Variants in SPATA6L observed in about 807,000 individuals in gnomAD.
SPATA6L encodes the protein spermatogenesis associated 6-like protein.
A neutral mutation model predicts 49.2 loss-of-function variants in SPATA6L; 68 were observed. The ratio of observed to expected loss-of-function variants is 1.38; its 90% CI spans 1.14 to 1.69. The LOEUF (loss-of-function observed/expected upper bound fraction) is 1.69. Among genes scored for constraint, SPATA6L ranks in the 40% most tolerant of loss-of-function variants. SPATA6L has a pLI of 0.00. For missense variants in SPATA6L, 668 were observed against 464.3 expected, an observed-to-expected ratio of 1.44 and a Z score of -4.03; for synonymous variants, 198 against 165.7, an observed-to-expected ratio of 1.19 and a Z score of -1.50.
At chr9:4,611,663 G>C (rs1190422599) in intron 9 of SPATA6L, among the ~76,000 whole-genome samples, 14 of 114,818 alleles carry the variant, frequency 1.2e-4, no homozygotes, top group African/African-American at 3.6e-4. Flanking sequence ...TGGGGGGAGG[G>C]GGGAGGGATA....
chr9:4,626,994 T>G (rs200970344), intron 5 of SPATA6L: 2 of 150,934 alleles, frequency 1.3e-5, no homozygotes, highest in African/African-American at 4.9e-5. Flanking sequence ...CAGTTTTTTT[T>G]AAGTTTTGGG....
chr9:4,597,844 T>G (rs1340327732), downstream of SPATA6L, among the ~76,000 whole-genome samples: 1 of 152,166 alleles, frequency 6.6e-6, no homozygotes, highest in Non-Finnish European at 1.5e-5. Context: ...GGTCACAGCA[T>G]GGACTACAGA....
rs749129538 is a variant in SPATA6L, at chr9:4,605,405, A to T, written c.1031T>A (p.Ile344Asn). Residue 344 changes from isoleucine (I) to asparagine (N), a missense_variant, in exon 10 of 12, where the codon ATC becomes AAC. By Grantham distance (149) the Ile-to-Asn change is moderately radical. Coordinates refer to ENST00000682582, the MANE Select transcript of SPATA6L (RefSeq NM_001353486.2). ...HPGSQSTWKN[I>N]HERVCSLLTS... ...CAGAAGACTGCATACCCTCTCATGG[A>T]TATTCTTCCATGTGGACTGAGAACC... 8 of 1,614,044 alleles carry T rather than the reference A, an allele frequency of 5.0e-6. No homozygotes were observed. In the African/African-American group the frequency reaches 5.3e-5, roughly 11 times the overall value.
rs377470691 is a variant in SPATA6L, at chr9:4,661,978, A to G, written c.98T>C (p.Leu33Pro). ...GKQDVYLGVY[L>P]MNQYLETNSF... ...GTTGGTCTCCAGGTACTGATTCATG[A>G]GGTAGACCCCGAGGTACACATCTTG... Residue 33 changes from leucine (L) to proline (P), a missense_variant, in exon 2 of 12, where the codon CTC becomes CCC. By Grantham distance (98) the Leu-to-Pro change is moderately conservative (BLOSUM62 -3). Coordinates refer to ENST00000682582, the MANE Select transcript of SPATA6L (RefSeq NM_001353486.2). 115 of 1,614,116 alleles carry G rather than the reference A, an allele frequency of 7.1e-5. No homozygotes were observed. The highest frequency in any genetic ancestry group is 2.4e-4 in the South Asian group (22 of 91,078).
At chr9:4,616,407 C>T (rs2130332145) in intron 9 of SPATA6L, among the ~76,000 whole-genome samples, 1 of 152,322 alleles carries the variant, frequency 6.6e-6, no homozygotes, top group African/African-American at 2.4e-5. Context: ...TCTTTCCGTT[C>T]TTCATTTAAA....
At chr9:4,646,471 T>G in intron 3 of SPATA6L, 1 of 1,506,068 alleles carries the variant, frequency 6.6e-7, no homozygotes, top group Non-Finnish European at 8.9e-7. Context: ...TAGAAACGGA[T>G]TTACTGCCAC....
intron 3 of SPATA6L, among the ~76,000 whole-genome samples, chr9:4,644,860 A>C (rs186483075): frequency 6.6e-5 from 10 of 152,186 alleles, no homozygotes; most frequent in Non-Finnish European, 1.2e-4. Context: ...ACTGCATAGC[A>C]AAAGTACCAC....
At position 4,662,719 on chromosome 9, in the gene SPATA6L, A is replaced by G. The variant is rs920683232; in HGVS notation, c.40-683T>C. The stretch of plus-strand genomic sequence containing the variant: ...CTGGCCATCGACCTGTGGCTGTCCA[A>G]GAAGCTGGGGGTGTGCGCGGGAGAG... On this transcript the variant is annotated intron_variant, in intron 1 of 11. Transcript: ENST00000682582. The surrounding 1 kb of genome is among the most constrained non-coding windows in gnomAD (Gnocchi z 4.9). The G allele has an allele frequency of 1.9e-6, 3 of 1,602,326 alleles. No individual in the cohort carries two copies. In the South Asian group the frequency reaches 3.3e-5, roughly 18 times the overall value.
chr9:4,614,429 A>G (rs1313219150), intron 9 of SPATA6L, among the ~76,000 whole-genome samples: 2 of 152,154 alleles, frequency 1.3e-5, no homozygotes, highest in African/African-American at 2.4e-5. Context: ...GGACACAGAG[A>G]AAGAGTGGTC....
chr9:4,655,982 A>C, intron 3 of SPATA6L, 59 bp downstream of exon 3: 1 of 1,313,130 alleles, frequency 7.6e-7, no homozygotes, highest in South Asian at 1.2e-5. Flanking sequence ...AGAGTTTTGA[A>C]TCTGTGAATT....
chr9:4,660,044 G>C (rs1421842116), intron 2 of SPATA6L, among the ~76,000 whole-genome samples: 1 of 152,164 alleles, frequency 6.6e-6, no homozygotes, highest in Non-Finnish European at 1.5e-5. Flanking sequence ...ATGGATTAAA[G>C]ACTTAAATGT....
At chr9:4,609,059 A>C (rs934820872) in intron 9 of SPATA6L, among the ~76,000 whole-genome samples, 1 of 150,856 alleles carries the variant, frequency 6.6e-6, no homozygotes, top group African/African-American at 2.5e-5. Flanking sequence ...AAATGGATAA[A>C]TTCCTCGACA....
rs551950640 is a variant in SPATA6L at position 4,666,365 on chromosome 9, C to G, written c.-115G>C. The G allele has an allele frequency of 7.3e-6, 8 of 1,102,860 alleles. No individual in the cohort carries two copies. The South Asian group carries it at 1.1e-4, about 15-fold the overall frequency. 68.3% of individuals were successfully genotyped at this position (1,102,860 alleles called of 1,614,324 possible). A position where few individuals can be genotyped will look rare whatever the true frequency, so the allele number is the denominator to read the frequency against. On this transcript the variant is annotated 5_prime_UTR_variant, in exon 1 of 12. Coordinates refer to ENST00000682582, the MANE Select transcript of SPATA6L (RefSeq NM_001353486.2). Reference sequence around the variant, plus strand: ...GAGCAAATGTTCCCAGAAGCTTCCCCAGTCCCACGCCCTTGTTCCCCTACC... The same window carrying G: ...GAGCAAATGTTCCCAGAAGCTTCCCGAGTCCCACGCCCTTGTTCCCCTACC...
intron 3 of SPATA6L, among the ~76,000 whole-genome samples, chr9:4,652,878 T>C (rs1340185733): frequency 1.4e-5 from 2 of 138,036 alleles, no homozygotes; most frequent in Non-Finnish European, 3.2e-5. Context: ...AAATGTAAAA[T>C]AACCTAAATG....
At position 4,665,859 on chromosome 9, in the gene SPATA6L, T is replaced by G. The variant is rs1840782951; in HGVS notation, c.39+353A>C. On this transcript the variant is annotated intron_variant, in intron 1 of 11. Coordinates refer to ENST00000682582, the MANE Select transcript of SPATA6L (RefSeq NM_001353486.2). ...GAGCTTTTTAAAATTATTCCCTGGT[T>G]ATTTAAAGAAGTTGAAAATCCTTTC... Among the ~76,000 whole-genome samples the G allele has an allele frequency of 2.6e-5, 4 of 152,218 alleles. No homozygotes were observed. The South Asian group carries it at 8.3e-4, about 31-fold the overall frequency.
At chr9:4,619,469 A>G (rs958114582) in intron 7 of SPATA6L, among the ~76,000 whole-genome samples, 1 of 152,054 alleles carries the variant, frequency 6.6e-6, no homozygotes, top group Non-Finnish European at 1.5e-5. Context: ...TTTCAATGAC[A>G]GCACATGTGG....
At chr9:4,626,702 G>A in intron 5 of SPATA6L, 1 of 558,540 alleles carries the variant, frequency 1.8e-6, no homozygotes, top group Non-Finnish European at 2.7e-6. Flanking sequence ...TTTCCTGACT[G>A]GACCCTGGCT....
At chr9:4,664,576 C>G (rs1465634646) in intron 1 of SPATA6L, 1 of 167,032 alleles carries the variant, frequency 6.0e-6, no homozygotes, top group African/African-American at 2.4e-5. Context: ...ATTCTTTGAC[C>G]CAGAAAGACT....
At chr9:4,617,819 C>T in intron 9 of SPATA6L, 104 bp downstream of exon 9, 4 of 946,478 alleles carry the variant, frequency 4.2e-6, no homozygotes, top group East Asian at 5.3e-5. Flanking sequence ...AAGGTGTCAC[C>T]AGCTGAATAT....
Sources: allele counts gnomAD v4.1 joint callset (sites outside exome capture counted in the v4.1 genomes callset), GRCh38; gene constraint gnomAD v4.1.1; non-coding constraint Gnocchi (gnomAD v3.1); transcripts MANE v1.5; gene names NCBI Gene and HGNC (gene_info 2026-07-23, HGNC 2026-07-21).